SRGAP1: variants seen among roughly 807,000 people sequenced by gnomAD.
The protein encoded by SRGAP1 is SLIT-ROBO Rho GTPase activating protein 1, also known as SLIT-ROBO Rho GTPase-activating protein 1.
In SRGAP1, 43 loss-of-function variants were observed where a neutral mutation model predicts 121.9. That is an observed-to-expected ratio of 0.35 (90% CI 0.28 to 0.46). The LOEUF is 0.46. Ranked by LOEUF, SRGAP1 falls within the 20% of genes least tolerant of loss-of-function variation. The pLI, the probability that SRGAP1 is intolerant of heterozygous loss-of-function variation, is 1.00. For missense variants in SRGAP1, 1,102 were observed against 1,350.9 expected, an observed-to-expected ratio of 0.82 and a Z score of 2.89; for synonymous variants, 447 against 485.4, an observed-to-expected ratio of 0.92 and a Z score of 1.04.
At chr12:64,105,473 A>T (rs570724611) in intron 15 of SRGAP1, among the ~76,000 whole-genome samples, 41 of 152,324 alleles carry the variant, frequency 2.7e-4, no homozygotes, top group African/African-American at 9.9e-4. Context: ...AGAAACAAGA[A>T]GATCTTGAAT....
intron 1 of SRGAP1, among the ~76,000 whole-genome samples, chr12:63,871,193 T>G (rs1382099899): frequency 6.6e-6 from 1 of 152,236 alleles, no homozygotes; most frequent in Non-Finnish European, 1.5e-5. Context: ...CCCAAAGATC[T>G]TTTACCTTTC....
chr12:63,919,060 G>C (rs892754423), intron 1 of SRGAP1, among the ~76,000 whole-genome samples: 9 of 152,010 alleles, frequency 5.9e-5, no homozygotes, highest in Non-Finnish European at 1.3e-4. Flanking sequence ...TGTTTGTTTA[G>C]TTGGTTTTTA....
intron 15 of SRGAP1, among the ~76,000 whole-genome samples, chr12:64,105,131 C>CCAG (rs1228053474): frequency 6.6e-6 from 1 of 152,098 alleles, no homozygotes; most frequent in African/African-American, 2.4e-5. Context: ...TTTGCCTATT[C>CCAG]CAGGTACCTA....
intron 8 of SRGAP1, among the ~76,000 whole-genome samples, chr12:64,066,781 A>G (rs2035548682): frequency 6.6e-6 from 1 of 152,180 alleles, no homozygotes; most frequent in South Asian, 2.1e-4. Flanking sequence ...GCTCACCTTG[A>G]GGCAGCGTTT....
At chr12:63,890,838 T>A (rs1452003743) in intron 1 of SRGAP1, among the ~76,000 whole-genome samples, 1 of 152,164 alleles carries the variant, frequency 6.6e-6, no homozygotes, top group Non-Finnish European at 1.5e-5. Flanking sequence ...GGTTCTGTTG[T>A]AAGTTAAATG....
chr12:64,008,199 A>G (rs1238085858), intron 3 of SRGAP1, among the ~76,000 whole-genome samples: 1 of 152,194 alleles, frequency 6.6e-6, no homozygotes, highest in African/African-American at 2.4e-5. Context: ...TTAAACAGAT[A>G]TTTAAATAGC....
At chr12:63,955,227 G>C (rs2032426847) in intron 1 of SRGAP1, among the ~76,000 whole-genome samples, 1 of 152,140 alleles carries the variant, frequency 6.6e-6, no homozygotes, top group African/African-American at 2.4e-5. Flanking sequence ...GCTGAGGCAG[G>C]AGAATCACTT....
At chr12:64,138,644 T>A (rs974100224) in intron 21 of SRGAP1, among the ~76,000 whole-genome samples, 1 of 151,478 alleles carries the variant, frequency 6.6e-6, no homozygotes, top group South Asian at 2.1e-4. Context: ...TTGATATATC[T>A]ATTTTGAAAA....
chr12:63,867,168 A>G (rs1899666359), intron 1 of SRGAP1, among the ~76,000 whole-genome samples: 1 of 152,184 alleles, frequency 6.6e-6, no homozygotes, highest in Non-Finnish European at 1.5e-5. Flanking sequence ...TGCTTTCTTT[A>G]TTCAGAAAAT....
intron 4 of SRGAP1, among the ~76,000 whole-genome samples, chr12:64,020,672 G>A (rs112117215): frequency 0.041 from 6,206 of 151,734 alleles, 424 homozygotes; most frequent in African/African-American, 0.14. Context: ...GTGAAACCCC[G>A]TCTTTACTAA....
At chr12:64,133,462 C>T (rs1305936189) in intron 21 of SRGAP1, among the ~76,000 whole-genome samples, 1 of 152,224 alleles carries the variant, frequency 6.6e-6, no homozygotes, top group Non-Finnish European at 1.5e-5. Context: ...ACTACTTTAA[C>T]TGGAGCACCA....
chr12:63,864,438 T>C (rs1201780096), intron 1 of SRGAP1, among the ~76,000 whole-genome samples: 1 of 152,208 alleles, frequency 6.6e-6, no homozygotes, highest in Non-Finnish European at 1.5e-5. Flanking sequence ...CCTAGTAGTT[T>C]ATAGCATGGC....
chr12:63,928,875 A>G (rs955632698), intron 1 of SRGAP1, among the ~76,000 whole-genome samples: 5 of 152,212 alleles, frequency 3.3e-5, no homozygotes, highest in Admixed American at 1.3e-4. Context: ...TGCAGTTCAC[A>G]ATAGGGTCTG....
At chr12:64,020,369 A>T (rs1341896069) in intron 4 of SRGAP1, among the ~76,000 whole-genome samples, 1 of 152,200 alleles carries the variant, frequency 6.6e-6, no homozygotes, top group African/African-American at 2.4e-5. Context: ...CAAAGACAGG[A>T]TGGTGGCATT....
chr12:63,936,330 CCAGTAAG>C (rs1379527072), intron 1 of SRGAP1, among the ~76,000 whole-genome samples: 2 of 152,062 alleles, frequency 1.3e-5, no homozygotes, highest in Non-Finnish European at 2.9e-5. Context: ...AGTTGCCTCC[CCAGTAAG>C]CATATTCCCT....
At chr12:64,002,488 G>A (rs2033932491) in intron 3 of SRGAP1, among the ~76,000 whole-genome samples, 1 of 152,186 alleles carries the variant, frequency 6.6e-6, no homozygotes, top group Non-Finnish European at 1.5e-5. Context: ...CAATGAAAAG[G>A]GGAGCCCTAG....
intron 15 of SRGAP1, 48 bp downstream of exon 15, chr12:64,097,423 G>A (rs3803105): frequency 0.03 from 48,220 of 1,597,714 alleles, 1,758 homozygotes; most frequent in South Asian, 0.12. Flanking sequence ...TATTTCACTA[G>A]CTAACTTCCT....
At chr12:64,025,674 T>C (rs899660095) in intron 4 of SRGAP1, among the ~76,000 whole-genome samples, 1 of 152,012 alleles carries the variant, frequency 6.6e-6, no homozygotes, top group Non-Finnish European at 1.5e-5. Context: ...TTAAAAACAC[T>C]CTATTTAGGG....
chr12:63,983,797 AATATATATATATATATATATATAT>A (rs71911661), intron 1 of SRGAP1, 126 bp from the exon 2 acceptor site: 3,587 of 64,908 alleles, frequency 0.055, 156 homozygotes, highest in Non-Finnish European at 0.066. Flanking sequence ...ATACATTTAA[AATATATATATATATATATATATAT>A]ATATATATAT....
Sources: allele counts gnomAD v4.1 joint callset (sites outside exome capture counted in the v4.1 genomes callset), GRCh38; gene constraint gnomAD v4.1.1; transcripts MANE v1.5; gene names NCBI Gene and HGNC (gene_info 2026-07-23, HGNC 2026-07-21).